EVI5: variants seen among roughly 807,000 people sequenced by gnomAD.
EVI5 encodes the protein ecotropic viral integration site 5.
In EVI5, 73 loss-of-function variants were observed where a neutral mutation model predicts 112.0. The ratio of observed to expected loss-of-function variants is 0.65; its 90% CI spans 0.54 to 0.79. The LOEUF (loss-of-function observed/expected upper bound fraction) is 0.79. Ranked by LOEUF, EVI5 falls within the 30% of genes least tolerant of loss-of-function variation. EVI5 has a pLI of 0.00. For synonymous variants in EVI5, 305 were observed against 319.9 expected, an observed-to-expected ratio of 0.95 and a Z score of 0.50; for missense variants, 900 against 968.8, an observed-to-expected ratio of 0.93 and a Z score of 0.94.
chr1:92,589,845 C>T (rs1406409858), intron 18 of EVI5, among the ~76,000 whole-genome samples: 2 of 152,208 alleles, frequency 1.3e-5, no homozygotes, highest in African/African-American at 4.8e-5. Context: ...CCCTGAGTAG[C>T]CTAACTGAGA....
intron 9 of EVI5, among the ~76,000 whole-genome samples, chr1:92,686,823 A>C (rs147990139): frequency 0.01 from 1,580 of 152,298 alleles, 18 homozygotes; most frequent in South Asian, 0.03. Context: ...ACCTGGGAAT[A>C]CAACTTACAA....
chr1:92,615,850 G>GA (rs1161476940), intron 16 of EVI5, among the ~76,000 whole-genome samples: 2 of 151,956 alleles, frequency 1.3e-5, no homozygotes, highest in East Asian at 3.8e-4. Context: ...TGCTACACTT[G>GA]AAAAAAACCA....
chr1:92,722,506 C>T (rs1334442490), intron 2 of EVI5, among the ~76,000 whole-genome samples: 3 of 146,732 alleles, frequency 2.0e-5, no homozygotes, highest in African/African-American at 7.5e-5. Context: ...TGATGTTCCC[C>T]TTCCTGTGTC....
At chr1:92,692,785 A>C (rs1669698727) in intron 9 of EVI5, among the ~76,000 whole-genome samples, 1 of 152,184 alleles carries the variant, frequency 6.6e-6, no homozygotes, top group Non-Finnish European at 1.5e-5. Flanking sequence ...TGTACATGTT[A>C]ATGTAATTTC....
At chr1:92,676,294 T>C (rs1666736564) in intron 10 of EVI5, among the ~76,000 whole-genome samples, 1 of 152,042 alleles carries the variant, frequency 6.6e-6, no homozygotes, top group African/African-American at 2.4e-5. Flanking sequence ...AAGGTGGTCA[T>C]ATAATGTCTC....
At chr1:92,633,347 C>T (rs1027564774) in intron 14 of EVI5, among the ~76,000 whole-genome samples, 6 of 152,266 alleles carry the variant, frequency 3.9e-5, no homozygotes, top group Admixed American at 1.3e-4. Context: ...CTTTATGAAT[C>T]GGTTGCTCCT....
At chr1:92,587,403 A>C (rs909316820) in intron 18 of EVI5, among the ~76,000 whole-genome samples, 11 of 151,906 alleles carry the variant, frequency 7.2e-5, no homozygotes, top group Non-Finnish European at 1.3e-4. Context: ...AAAAAAAAAA[A>C]AAACTATTAA....
intron 2 of EVI5, among the ~76,000 whole-genome samples, chr1:92,729,528 AT>A (rs1436519561): frequency 2.0e-5 from 3 of 152,168 alleles, no homozygotes; most frequent in Non-Finnish European, 4.4e-5. Context: ...ATGCAAATAC[AT>A]TCAACTCTCC....
chr1:92,723,827 G>A lies in EVI5; in HGVS notation c.149+12571C>T, dbSNP rs569206146. Among the ~76,000 whole-genome samples, 31 of 152,244 alleles carry A rather than the reference G, an allele frequency of 2.0e-4. 1 individual carries two copies. The South Asian group carries it at 6.4e-3, about 32-fold the overall frequency. On this transcript the variant is annotated intron_variant, in intron 2 of 19. Coordinates refer to ENST00000684568, the MANE Select transcript of EVI5 (RefSeq NM_001350197.2). ...ATCGCTGAATTATTTTCCCAGCAAGGAATAACCCTGGGGAAGGAATGCAAT... is the reference window on the plus strand; with the variant it reads ...ATCGCTGAATTATTTTCCCAGCAAGAAATAACCCTGGGGAAGGAATGCAAT...
chr1:92,544,957 T>A (rs554836158), intron 19 of EVI5, among the ~76,000 whole-genome samples: 20 of 152,158 alleles, frequency 1.3e-4, no homozygotes, highest in South Asian at 4.1e-4. Flanking sequence ...ACACGTACTA[T>A]TGGCATGACA....
intron 1 of EVI5, among the ~76,000 whole-genome samples, chr1:92,783,690 T>C (rs1243891787): frequency 6.6e-6 from 1 of 150,800 alleles, no homozygotes; most frequent in Non-Finnish European, 1.5e-5. Context: ...CGCGCGCCTG[T>C]AGTCCCAGCT....
chr1:92,521,356 C>T (rs992403965), intron 19 of EVI5, among the ~76,000 whole-genome samples: 1 of 152,110 alleles, frequency 6.6e-6, no homozygotes, highest in African/African-American at 2.4e-5. Context: ...TTAAAACCTC[C>T]AGTTCAAAAG....
intron 2 of EVI5, among the ~76,000 whole-genome samples, chr1:92,709,229 T>A (rs1672474740): frequency 6.6e-6 from 1 of 152,210 alleles, no homozygotes; most frequent in South Asian, 2.1e-4. Flanking sequence ...CATTTTCTAA[T>A]ATGATAGAAA....
intron 18 of EVI5, among the ~76,000 whole-genome samples, chr1:92,591,596 A>C (rs1167160877): frequency 6.6e-6 from 1 of 152,232 alleles, no homozygotes; most frequent in East Asian, 1.9e-4. Flanking sequence ...ATACAGGCGC[A>C]CCCAGATTTA....
intron 1 of EVI5, chr1:92,756,820 G>T: frequency 3.9e-6 from 2 of 515,220 alleles, no homozygotes; most frequent in Non-Finnish European, 4.0e-6. Flanking sequence ...TCAGGGCCTT[G>T]GGCACATGCG....
intron 18 of EVI5, among the ~76,000 whole-genome samples, chr1:92,591,525 A>G (rs1164541751): frequency 6.6e-6 from 1 of 152,236 alleles, no homozygotes; most frequent in Non-Finnish European, 1.5e-5. Flanking sequence ...AGGCCATTAC[A>G]TAATGGTAAA....
Position 92,513,574 on chromosome 1 carries a change from T to G in EVI5, c.*82A>C, listed in dbSNP as rs1659373369. The G allele has an allele frequency of 2.5e-6, 1 of 403,576 alleles. No individual in the cohort carries two copies. Among genetic ancestry groups the G allele is most frequent in the Non-Finnish European group, 4.5e-6 (1 of 221,452 alleles). 25.0% of individuals were successfully genotyped at this position (403,576 alleles called of 1,614,324 possible). A position where few individuals can be genotyped will look rare whatever the true frequency, so the allele number is the denominator to read the frequency against. ...ATATATATATATATATATGTACATA[T>G]GAAACAAATTATTTCCAAAAAGCCC... On this transcript the variant is annotated 3_prime_UTR_variant, in exon 20 of 20. Coordinates refer to ENST00000684568, the MANE Select transcript of EVI5 (RefSeq NM_001350197.2).
chr1:92,675,990 G>A, intron 10 of EVI5, among the ~76,000 whole-genome samples: 1 of 142,120 alleles, frequency 7.0e-6, no homozygotes, highest in Admixed American at 7.0e-5. Flanking sequence ...AAAAAGCAAA[G>A]CAAATAGCAG....
rs1658820759 is a variant in EVI5, at chr1:92,636,323, G to C, written c.1406C>G (p.Ser469Cys). 1 of 1,613,358 alleles carries C rather than the reference G, an allele frequency of 6.2e-7. No homozygotes were observed. The highest frequency in any genetic ancestry group is 8.5e-7 in the Non-Finnish European group (1 of 1,179,568). Residue 469 changes from serine to cysteine, a missense_variant, in exon 14 of 20, where the codon TCC becomes TGC. Transcript: ENST00000684568. ...QHQQQWHKCSSNYNEDFVLQL... is the reference protein window; with the variant it reads ...QHQQQWHKCSCNYNEDFVLQL... Reference sequence around the variant, plus strand: ...TAGCACAAAATCTTCGTTGTAGTTGGAACTGCATTTATGCTAAAGGTTACA... The same window carrying C: ...TAGCACAAAATCTTCGTTGTAGTTGCAACTGCATTTATGCTAAAGGTTACA...
Sources: allele counts gnomAD v4.1 joint callset (sites outside exome capture counted in the v4.1 genomes callset), GRCh38; gene constraint gnomAD v4.1.1; transcripts MANE v1.5; gene names NCBI Gene and HGNC (gene_info 2026-07-23, HGNC 2026-07-21).